The following RNF125 variants were observed in gnomAD, a reference collection of about 807,000 sequenced individuals.
RNF125 encodes the protein ring finger protein 125, also known as E3 ubiquitin-protein ligase RNF125.
RNF125 carries 21 observed loss-of-function variants against 26.0 expected under a neutral mutation model. The ratio of observed to expected loss-of-function variants is 0.81; its 90% CI spans 0.57 to 1.16. The LOEUF (loss-of-function observed/expected upper bound fraction) is 1.16, where lower values mean the gene tolerates loss of function less well. Among genes scored for constraint, RNF125 ranks in the 50% most tolerant of loss-of-function variants. The pLI, the probability that RNF125 is intolerant of heterozygous loss-of-function variation, is 0.00. For missense variants in RNF125, 270 were observed against 299.4 expected (o/e 0.90, Z 0.72); for synonymous variants, 95 against 109.2 (o/e 0.87, Z 0.81).
chr18:32,028,829 C>T (rs999386874), intron 1 of RNF125, among the ~76,000 whole-genome samples: 1 of 152,100 alleles, frequency 6.6e-6, no homozygotes, highest in Non-Finnish European at 1.5e-5. Flanking sequence ...GCTGGGATTA[C>T]AGGTTGAGCC....
rs563518621 is a variant in RNF125, at chr18:32,046,553, T to C, written c.504+821T>C. On this transcript the variant is annotated intron_variant, in intron 4 of 5. Coordinates refer to ENST00000217740, the MANE Select transcript of RNF125 (RefSeq NM_017831.4). ...CGGAGCTTGCAGTGAGCTGAGATCG[T>C]GCCACTGCACTCCAGCCTGAGCGAC... is the stretch of plus-strand genomic sequence containing the variant. 3.6e-5 allele frequency among the ~76,000 whole-genome samples: 5 copies of C among 139,210 alleles called. No individual in the cohort carries two copies. In the East Asian group the frequency reaches 6.4e-4, roughly 18 times the overall value. 91.3% of individuals were successfully genotyped at this position (139,210 alleles called of 152,430 possible).
the RNF125 span, among the ~76,000 whole-genome samples, chr18:32,082,075 G>T: frequency 6.6e-6 from 1 of 152,282 alleles, no homozygotes; most frequent in Non-Finnish European, 1.5e-5. Context: ...GGAATGGAGG[G>T]TTTGGGGAAT....
At chr18:32,061,883 A>G (rs1363250631) in intron 4 of RNF125, among the ~76,000 whole-genome samples, 1 of 152,220 alleles carries the variant, frequency 6.6e-6, no homozygotes, top group Non-Finnish European at 1.5e-5. Context: ...ATTATTTTAA[A>G]TCTAACAGCT....
At chr18:32,056,279 C>G (rs1330189036) in intron 4 of RNF125, among the ~76,000 whole-genome samples, 3 of 151,946 alleles carry the variant, frequency 2.0e-5, no homozygotes, top group Admixed American at 6.6e-5. Flanking sequence ...TATAAAATTG[C>G]CCTACAAAGC....
Position 32,070,017 on chromosome 18 carries a change from T to TTC in RNF125, c.*1655_*1656dup, listed in dbSNP as rs34849585. ...GGTGTCTTTCTTTCCTTCCTCCTTCTTCTCTCTCTCTCTCTCTCTCTCTTT... is the reference window on the plus strand; with the variant it reads ...GGTGTCTTTCTTTCCTTCCTCCTTCTTCTCTCTCTCTCTCTCTCTCTCTCTTT... On this transcript the variant is annotated 3_prime_UTR_variant, in exon 6 of 6. Transcript: ENST00000217740. 0.52 allele frequency: 77,141 copies of TTC among 148,756 alleles called. 20,333 individuals carry two copies. The highest frequency in any genetic ancestry group is 0.69 in the East Asian group (3,467 of 4,996). 9.2% of individuals were successfully genotyped at this position (148,756 alleles called of 1,614,324 possible).
At chr18:32,057,523 C>A (rs565688328) in intron 4 of RNF125, among the ~76,000 whole-genome samples, 1 of 151,638 alleles carries the variant, frequency 6.6e-6, no homozygotes, top group African/African-American at 2.4e-5. Flanking sequence ...TTAGTAGAGA[C>A]GGAGTTTCTC....
intron 1 of RNF125, among the ~76,000 whole-genome samples, chr18:32,030,174 G>A (rs1165799119): frequency 6.6e-6 from 1 of 152,132 alleles, no homozygotes; most frequent in African/African-American, 2.4e-5. Flanking sequence ...CTCCTGAGTA[G>A]CTGGGACTAC....
intron 4 of RNF125, among the ~76,000 whole-genome samples, chr18:32,061,087 C>T (rs540226570): frequency 7.0e-4 from 106 of 152,176 alleles, no homozygotes; most frequent in South Asian, 2.1e-4. Flanking sequence ...TGCAGTGGTG[C>T]GATCTCGGCT....
the RNF125 span, among the ~76,000 whole-genome samples, chr18:32,078,230 A>G: frequency 6.6e-6 from 1 of 152,216 alleles, no homozygotes; most frequent in African/African-American, 2.4e-5. Flanking sequence ...GTTGATAGTA[A>G]TATCTTACCT....
In RNF125 at chr18:32,072,783, T is replaced by C. The variant is rs1298519277; in HGVS notation, c.*4399T>C. ...CAGGGCCTTATTAGAGAAAAACTGA[T>C]TCACATGTTATTCTTCTAAAGCTAA... On this transcript the variant is annotated 3_prime_UTR_variant, in exon 6 of 6. Coordinates refer to ENST00000217740, the MANE Select transcript of RNF125 (RefSeq NM_017831.4). 6.6e-6 allele frequency: 1 copy of C among 152,230 alleles called. No homozygotes were observed. Among genetic ancestry groups the C allele is most frequent in the Non-Finnish European group, 1.5e-5 (1 of 68,030 alleles). 9.4% of individuals were successfully genotyped at this position (152,230 alleles called of 1,614,324 possible). A position where few individuals can be genotyped will look rare whatever the true frequency, so the allele number is the denominator to read the frequency against.
chr18:32,029,602 A>G (rs2039072431), intron 1 of RNF125, among the ~76,000 whole-genome samples: 1 of 145,828 alleles, frequency 6.9e-6, no homozygotes, highest in African/African-American at 2.6e-5. Flanking sequence ...TTTGGGTGAC[A>G]GAATGAGACC....
At chr18:32,085,735 A>C in the RNF125 span, among the ~76,000 whole-genome samples, 1 of 146,922 alleles carries the variant, frequency 6.8e-6, no homozygotes, top group Non-Finnish European at 1.5e-5. Context: ...GAGAGAGAGA[A>C]GTAACTTGGT....
At chr18:32,057,522 A>G (rs2039397277) in intron 4 of RNF125, among the ~76,000 whole-genome samples, 1 of 151,772 alleles carries the variant, frequency 6.6e-6, no homozygotes, top group Non-Finnish European at 1.5e-5. Context: ...TTTAGTAGAG[A>G]CGGAGTTTCT....
In RNF125 at chr18:32,071,581, G is replaced by A. The variant is rs563912189; in HGVS notation, c.*3197G>A. ...TAATATCAACTCCTGAGGATAAAACGTTACTTGACTAGAGTTAGCTTTTTA... is the reference window on the plus strand; with the variant it reads ...TAATATCAACTCCTGAGGATAAAACATTACTTGACTAGAGTTAGCTTTTTA... On this transcript the variant is annotated 3_prime_UTR_variant, in exon 6 of 6. Transcript: ENST00000217740. 5 of 152,258 alleles carry A rather than the reference G, an allele frequency of 3.3e-5. No homozygotes were observed. Among genetic ancestry groups the A allele is most frequent in the South Asian group, 2.1e-4 (1 of 4,824 alleles). 9.4% of individuals were successfully genotyped at this position (152,258 alleles called of 1,614,324 possible). A position where few individuals can be genotyped will look rare whatever the true frequency, so the allele number is the denominator to read the frequency against.
intron 1 of RNF125, among the ~76,000 whole-genome samples, chr18:32,022,477 T>G (rs2038994880): frequency 6.6e-6 from 1 of 152,146 alleles, no homozygotes; most frequent in African/African-American, 2.4e-5. Flanking sequence ...AGCTTACAAA[T>G]GTATTAATGA....
chr18:32,068,028 C>G (rs1465807321), intron 5 of RNF125, among the ~76,000 whole-genome samples: 1 of 152,198 alleles, frequency 6.6e-6, no homozygotes, highest in Non-Finnish European at 1.5e-5. Context: ...TGACTAAAAA[C>G]TTCTCATTAT....
At chr18:32,039,777 C>CTTT (rs1337442183) in intron 2 of RNF125, among the ~76,000 whole-genome samples, 2,041 of 123,368 alleles carry the variant, frequency 0.017, 108 homozygotes, top group African/African-American at 0.06. Context: ...CTTTGAGATA[C>CTTT]TTTTTTTTTT....
chr18:32,045,679 G>C lies in RNF125; in HGVS notation c.451G>C (p.Asp151His). ...CTTTTGTCAGAGGGAACTGTATGAA[G>C]ACAGCTTGCTGGATCATTGTATTAC... ...CPFCQRELYE[D>H]SLLDHCITHH... Residue 151 changes from aspartate to histidine, a missense_variant, in exon 4 of 6, where the codon GAC becomes CAC. Physicochemically the swap from Asp to His is moderately conservative, Grantham distance 81. Transcript: ENST00000217740. The C allele has an allele frequency of 6.2e-7, 1 of 1,612,606 alleles. No homozygotes were observed. The highest frequency in any genetic ancestry group is 8.5e-7 in the Non-Finnish European group (1 of 1,179,556).
chr18:32,021,371 A>T (rs4799624), intron 1 of RNF125, among the ~76,000 whole-genome samples: 1 of 152,076 alleles, frequency 6.6e-6, no homozygotes, highest in African/African-American at 2.4e-5. Context: ...TGAGCCATGG[A>T]GCCCGGCCGT....
Sources: gnomAD v4.1 joint callset for allele counts (sites outside exome capture counted in the v4.1 genomes callset) on GRCh38, gnomAD v4.1.1 for gene constraint, MANE v1.5 for transcripts, NCBI Gene and HGNC (gene_info 2026-07-23, HGNC 2026-07-21) for gene names.